The following RBFOX1 variants were observed in gnomAD, a reference collection of about 807,000 sequenced individuals.
The protein encoded by RBFOX1 is RNA binding protein fox-1 homolog 1.
In RBFOX1, 8 loss-of-function variants were observed where a neutral mutation model predicts 57.7. That is an observed-to-expected ratio of 0.14 (90% confidence interval 0.08 to 0.25). RBFOX1 has a LOEUF of 0.25. Among genes scored for constraint, RBFOX1 ranks in the 10% least tolerant of loss-of-function variants. The pLI is 1.00. For synonymous variants in RBFOX1, 326 were observed against 222.4 expected, an observed-to-expected ratio of 1.47 and a Z score of -4.15; for missense variants, 611 against 548.5, an observed-to-expected ratio of 1.11 and a Z score of -1.14.
intron 4 of RBFOX1, among the ~76,000 whole-genome samples, chr16:7,083,848 C>T (rs993339845): frequency 6.6e-6 from 1 of 152,056 alleles, no homozygotes; most frequent in Non-Finnish European, 1.5e-5. Flanking sequence ...CTTGGTGGCT[C>T]CCTTGGTTCT....
chr16:5,955,118 T>TTAAAAAA (rs2059599305), intron 4 of RBFOX1, among the ~76,000 whole-genome samples: 4 of 14,290 alleles, frequency 2.8e-4, no homozygotes, highest in African/African-American at 1.4e-3. Context: ...CCATCTCTAC[T>TTAAAAAA]AAAAAAAAAA....
At chr16:6,641,493 G>C (rs2098487275) in intron 2 of RBFOX1, among the ~76,000 whole-genome samples, 1 of 152,068 alleles carries the variant, frequency 6.6e-6, no homozygotes, top group Non-Finnish European at 1.5e-5. Flanking sequence ...CCAGCACTTT[G>C]GGAGGCCGAG....
chr16:7,478,524 T>C (rs756451396), intron 4 of RBFOX1, among the ~76,000 whole-genome samples: 1 of 152,232 alleles, frequency 6.6e-6, no homozygotes, highest in Non-Finnish European at 1.5e-5. Flanking sequence ...CCTGGTACCA[T>C]GTCTGAAGTT....
At chr16:7,695,788 G>C (rs1231017491) in intron 14 of RBFOX1, among the ~76,000 whole-genome samples, 1 of 151,850 alleles carries the variant, frequency 6.6e-6, no homozygotes, top group South Asian at 2.1e-4. Context: ...CTGGATATCA[G>C]AGTTTGACAA....
At chr16:5,969,658 A>G (rs2059924664) in intron 4 of RBFOX1, among the ~76,000 whole-genome samples, 1 of 151,672 alleles carries the variant, frequency 6.6e-6, no homozygotes, top group African/African-American at 2.4e-5. Context: ...ATATTTCATA[A>G]AATCTTAGGT....
intron 3 of RBFOX1, among the ~76,000 whole-genome samples, chr16:7,007,617 A>G (rs66469366): frequency 0.12 from 19,004 of 152,162 alleles, 2,029 homozygotes; most frequent in East Asian, 0.3. Flanking sequence ...TGTTTTAGTC[A>G]TTCTTTCAAT....
At chr16:7,672,850 G>A (rs1474232556) in intron 13 of RBFOX1, among the ~76,000 whole-genome samples, 2 of 57,792 alleles carry the variant, frequency 3.5e-5, no homozygotes, top group African/African-American at 1.9e-4. Context: ...CTGGGTGACA[G>A]AGAAGACTCC....
intron 1 of RBFOX1, among the ~76,000 whole-genome samples, chr16:6,151,263 A>G (rs897745077): frequency 6.6e-6 from 1 of 152,182 alleles, no homozygotes; most frequent in African/African-American, 2.4e-5. Context: ...CAGGAATTGC[A>G]TAATTCCTGT....
chr16:7,221,351 A>ATTTC lies in RBFOX1; in HGVS notation c.27+169256_27+169257insCTTT, dbSNP rs1351698600. Among the ~76,000 whole-genome samples the ATTTC allele has an allele frequency of 2.0e-5, 3 of 149,644 alleles. No individual in the cohort carries two copies. The East Asian group carries it at 6.0e-4, about 30-fold the overall frequency. On this transcript the variant is annotated intron_variant, in intron 4 of 15. Transcript: ENST00000550418. ...ATTCTTTATTTTTATTTGATTATTTATTTATTTATTTATTTTTTTATTTAT... is the reference window on the plus strand; with the variant it reads ...ATTCTTTATTTTTATTTGATTATTTATTTCTTTATTTATTTATTTTTTTATTTAT...
At chr16:6,208,413 A>T (rs1447238057) in intron 1 of RBFOX1, among the ~76,000 whole-genome samples, 1 of 36,754 alleles carries the variant, frequency 2.7e-5, no homozygotes, top group Non-Finnish European at 5.9e-5. Flanking sequence ...TCATTCAGCA[A>T]GCATGTGCTT....
intron 4 of RBFOX1, among the ~76,000 whole-genome samples, chr16:7,256,981 C>G (rs1181746701): frequency 2.0e-5 from 3 of 152,152 alleles, no homozygotes; most frequent in Non-Finnish European, 4.4e-5. Context: ...GGCTGGCATT[C>G]TCTGTTACTC....
intron 3 of RBFOX1, among the ~76,000 whole-genome samples, chr16:6,701,665 A>C (rs750480114): frequency 1.3e-5 from 2 of 152,210 alleles, no homozygotes; most frequent in Non-Finnish European, 2.9e-5. Context: ...TTCATTACCC[A>C]GCACTATTCA....
intron 2 of RBFOX1, among the ~76,000 whole-genome samples, chr16:5,533,757 C>T (rs970908049): frequency 6.6e-5 from 10 of 152,142 alleles, no homozygotes; most frequent in Middle Eastern, 3.2e-3. Context: ...AATCTGAAGT[C>T]AGCAAAGTGA....
chr16:6,317,738 G>A (rs980590213), intron 2 of RBFOX1, among the ~76,000 whole-genome samples: 22 of 152,048 alleles, frequency 1.4e-4, no homozygotes, highest in Non-Finnish European at 3.1e-4. Flanking sequence ...TCTAGCATTT[G>A]GGGTAGCACC....
At chr16:5,866,027 G>T (rs1457535227) in intron 3 of RBFOX1, among the ~76,000 whole-genome samples, 2 of 152,064 alleles carry the variant, frequency 1.3e-5, no homozygotes, top group African/African-American at 2.4e-5. Flanking sequence ...GAGTGCAATG[G>T]CGCAATCTCA....
At chr16:7,104,325 T>G (rs1015986224) in intron 4 of RBFOX1, among the ~76,000 whole-genome samples, 2 of 152,144 alleles carry the variant, frequency 1.3e-5, no homozygotes, top group African/African-American at 2.4e-5. Flanking sequence ...TTGATGTAAC[T>G]TCTCCTAAGG....
At chr16:7,007,500 T>C (rs575007137) in intron 3 of RBFOX1, among the ~76,000 whole-genome samples, 8 of 152,206 alleles carry the variant, frequency 5.3e-5, no homozygotes, top group Non-Finnish European at 1.2e-4. Context: ...TCACGCATCG[T>C]ATTGACAGGT....
chr16:6,940,352 C>G (rs1045371218), intron 3 of RBFOX1, among the ~76,000 whole-genome samples: 16 of 152,168 alleles, frequency 1.1e-4, no homozygotes, highest in African/African-American at 3.9e-4. Context: ...AGCAAAAGCT[C>G]AAACTACATT....
In RBFOX1 at chr16:7,450,969, A is replaced by G. The variant is rs2098847512; in HGVS notation, c.28-67178A>G. ...GAGGCCTCTGCACATGAAACATAGA[A>G]GTGGCTGCCTCCTTCAATCACTGTT... is the stretch of plus-strand genomic sequence containing the variant. On this transcript the variant is annotated intron_variant, in intron 4 of 15. Coordinates refer to ENST00000550418, the MANE Select transcript of RBFOX1 (RefSeq NM_018723.4). 3.3e-5 allele frequency among the ~76,000 whole-genome samples: 5 copies of G among 152,182 alleles called. No homozygotes were observed. The South Asian group carries it at 8.3e-4, about 25-fold the overall frequency.
Sources: gnomAD v4.1 joint callset for allele counts (sites outside exome capture counted in the v4.1 genomes callset) on GRCh38, gnomAD v4.1.1 for gene constraint, MANE v1.5 for transcripts, NCBI Gene and HGNC (gene_info 2026-07-23, HGNC 2026-07-21) for gene names.